Variants in NBAS observed in about 807,000 individuals in gnomAD.
NBAS encodes the protein NAG/BC035112 fusion.
A neutral mutation model predicts 302.5 loss-of-function variants in NBAS; 219 were observed. The ratio of observed to expected loss-of-function variants is 0.72; its 90% CI spans 0.65 to 0.81. The LOEUF (loss-of-function observed/expected upper bound fraction) is 0.81. Among genes scored for constraint, NBAS ranks in the 30% least tolerant of loss-of-function variants. The pLI, the probability that NBAS is intolerant of heterozygous loss-of-function variation, is 0.00. For missense variants in NBAS, 2,932 were observed against 2,841.6 expected (o/e 1.03, Z -0.72); for synonymous variants, 1,118 against 1,021.6 (o/e 1.09, Z -1.80).
chr2:14,961,729 G>T, the NBAS span, among the ~76,000 whole-genome samples: 1 of 152,070 alleles, frequency 6.6e-6, no homozygotes, highest in African/African-American at 2.4e-5. Flanking sequence ...TATAATTTAG[G>T]AAACTGAGGC....
the NBAS span, among the ~76,000 whole-genome samples, chr2:15,012,921 A>G: frequency 3.4e-4 from 51 of 152,058 alleles, no homozygotes; most frequent in East Asian, 2.5e-3. Flanking sequence ...ACAGTGGTGC[A>G]ATCTCAGCTC....
the NBAS span, among the ~76,000 whole-genome samples, chr2:14,922,305 T>A: frequency 6.6e-6 from 1 of 152,134 alleles, no homozygotes; most frequent in East Asian, 1.9e-4. Context: ...TTAATAATGG[T>A]AAAATGGAGA....
intron 19 of NBAS, among the ~76,000 whole-genome samples, chr2:15,465,157 A>G (rs1679668447): frequency 6.6e-6 from 1 of 152,214 alleles, no homozygotes; most frequent in Non-Finnish European, 1.5e-5. Flanking sequence ...CTTGCAACAA[A>G]TATTTACTGA....
rs147169218 is a variant in NBAS at position 15,357,139 on chromosome 2, T to A, written c.3818-723A>T. On this transcript the variant is annotated intron_variant, in intron 32 of 51. Coordinates refer to ENST00000281513, the MANE Select transcript of NBAS (RefSeq NM_015909.4). ...AAGAATTTGTACCCTGTTAGGTGGT[T>A]TAACCAGAATGCCTCCTTACCACAG... Among the ~76,000 whole-genome samples, 41 of 152,302 alleles carry A rather than the reference T, an allele frequency of 2.7e-4. No homozygotes were observed. In the East Asian group the frequency reaches 4.4e-3, roughly 16 times the overall value.
chr2:15,441,373 T>A (rs907928497), intron 21 of NBAS, among the ~76,000 whole-genome samples: 13 of 152,048 alleles, frequency 8.5e-5, no homozygotes, highest in African/African-American at 2.9e-4. Flanking sequence ...AAGAAAAGAA[T>A]TTTCAAACCA....
intron 16 of NBAS, 30 bp downstream of exon 16, chr2:15,473,192 T>C (rs768474976): frequency 6.2e-7 from 1 of 1,611,594 alleles, no homozygotes; most frequent in African/African-American, 1.3e-5. Flanking sequence ...AATATACATT[T>C]TACCACATTA....
At chr2:15,049,934 T>C in the NBAS span, among the ~76,000 whole-genome samples, 1 of 152,218 alleles carries the variant, frequency 6.6e-6, no homozygotes, top group Non-Finnish European at 1.5e-5. Context: ...CAGGACATGC[T>C]AGCCGCAGGT....
At chr2:15,329,225 A>AGCT (rs1282205748) in intron 36 of NBAS, among the ~76,000 whole-genome samples, 1 of 152,210 alleles carries the variant, frequency 6.6e-6, no homozygotes, top group East Asian at 1.9e-4. Flanking sequence ...GAAACGATGA[A>AGCT]GCTGCTGCTG....
intron 48 of NBAS, among the ~76,000 whole-genome samples, chr2:15,206,698 G>A (rs942493046): frequency 6.6e-6 from 1 of 152,184 alleles, no homozygotes; most frequent in Non-Finnish European, 1.5e-5. Flanking sequence ...GGCTAAAAGG[G>A]GCAAACACAG....
chr2:15,322,956 T>C (rs1042868076), intron 38 of NBAS, among the ~76,000 whole-genome samples: 4 of 152,182 alleles, frequency 2.6e-5, no homozygotes, highest in Non-Finnish European at 4.4e-5. Context: ...ATATTTAATA[T>C]TGATGGTATA....
the NBAS span, among the ~76,000 whole-genome samples, chr2:15,146,576 G>A: frequency 1.3e-5 from 2 of 152,134 alleles, no homozygotes; most frequent in Non-Finnish European, 2.9e-5. Context: ...GGGGACAGAT[G>A]AGCAAGGCTG....
At chr2:14,965,239 G>T in the NBAS span, among the ~76,000 whole-genome samples, 1 of 151,996 alleles carries the variant, frequency 6.6e-6, no homozygotes, top group African/African-American at 2.4e-5. Flanking sequence ...GCCAATCAAC[G>T]CAACTAAAAT....
At chr2:14,930,122 T>C in the NBAS span, among the ~76,000 whole-genome samples, 1 of 152,158 alleles carries the variant, frequency 6.6e-6, no homozygotes, top group South Asian at 2.1e-4. Context: ...ACCTCTTTTC[T>C]TCATAAATTA....
the NBAS span, among the ~76,000 whole-genome samples, chr2:14,926,996 C>T: frequency 6.6e-6 from 1 of 152,308 alleles, no homozygotes; most frequent in East Asian, 1.9e-4. Flanking sequence ...AGCAGATTGT[C>T]CTTCATAATA....
At chr2:15,291,425 T>G (rs1670299864) in intron 41 of NBAS, among the ~76,000 whole-genome samples, 1 of 152,256 alleles carries the variant, frequency 6.6e-6, no homozygotes, top group Non-Finnish European at 1.5e-5. Context: ...ACTCAATAAA[T>G]TGTGGTCTTA....
At chr2:15,422,954 T>C (rs1286444565) in intron 23 of NBAS, among the ~76,000 whole-genome samples, 1 of 152,204 alleles carries the variant, frequency 6.6e-6, no homozygotes, top group East Asian at 1.9e-4. Flanking sequence ...AAAACACATA[T>C]ATTTGCAAAA....
rs112696202 is a variant in NBAS, at chr2:15,413,771, T to A, written c.2937+1775A>T. ...AAACTTTCCGCAGATCATGACATGA[T>A]CACATATATGTTGCAGGAAGACAAC... On this transcript the variant is annotated intron_variant, in intron 25 of 51. Coordinates refer to ENST00000281513, the MANE Select transcript of NBAS (RefSeq NM_015909.4). Among the ~76,000 whole-genome samples the A allele has an allele frequency of 7.1e-3, 1,084 of 152,256 alleles. 10 individuals carry two copies. Among genetic ancestry groups the A allele is most frequent in the African/African-American group, 0.022 (923 of 41,542 alleles).
At chr2:15,398,475 T>C (rs1212294519) in intron 26 of NBAS, among the ~76,000 whole-genome samples, 2 of 152,182 alleles carry the variant, frequency 1.3e-5, no homozygotes, top group African/African-American at 2.4e-5. Context: ...AGCTCTATTA[T>C]AATCATTTAT....
chr2:15,402,255 G>A lies in NBAS; in HGVS notation c.2984C>T (p.Ala995Val), dbSNP rs1342597279. The change falls in exon 26 of 52, where the codon GCA becomes GTA. Residue 995 changes from alanine (A) to valine (V), a missense_variant. Physicochemically the swap from Ala to Val is moderately conservative, Grantham distance 64. Transcript: ENST00000281513. Reference sequence around the variant, plus strand: ...TTCACAGGTATAGATGCACTCTAGTGCTATTGCCATCAGTTGGTCCTGATC... The same window carrying A: ...TTCACAGGTATAGATGCACTCTAGTACTATTGCCATCAGTTGGTCCTGATC... ...IPDQDQLMAIALECIYTCERN... is the reference protein window; with the variant it reads ...IPDQDQLMAIVLECIYTCERN... 6.2e-7 allele frequency: 1 copy of A among 1,613,508 alleles called. No homozygotes were observed. The highest frequency in any genetic ancestry group is 2.2e-5 in the East Asian group (1 of 44,774).
Sources: allele counts gnomAD v4.1 joint callset (sites outside exome capture counted in the v4.1 genomes callset), GRCh38; gene constraint gnomAD v4.1.1; transcripts MANE v1.5; gene names NCBI Gene and HGNC (gene_info 2026-07-23, HGNC 2026-07-21).